TTC3: variants seen among roughly 807,000 people sequenced by gnomAD.
TTC3 encodes E3 ubiquitin-protein ligase TTC3.
Under a neutral mutation model 249.6 loss-of-function variants are expected in TTC3, and 180 were observed. The observed-to-expected ratio is 0.72, with a 90% CI of 0.64 to 0.82. The LOEUF (loss-of-function observed/expected upper bound fraction) is 0.82. TTC3 is among the 40% of genes least tolerant of loss of function. The probability of loss-of-function intolerance (pLI) is 0.00; values close to 1 mark genes in which losing one functional copy is unlikely to be tolerated. For missense variants in TTC3, 2,061 were observed against 2,398.4 expected, an observed-to-expected ratio of 0.86 and a Z score of 2.94; for synonymous variants, 717 against 805.0, an observed-to-expected ratio of 0.89 and a Z score of 1.85.
intron 8 of TTC3, 21 bp from the exon 9 acceptor site, chr21:37,095,329 T>C: frequency 6.4e-7 from 1 of 1,559,392 alleles, no homozygotes; most frequent in Non-Finnish European, 8.7e-7. Flanking sequence ...TGATGGGTCT[T>C]CTTTCACCTT....
At chr21:37,159,334 C>T (rs1271429391) in intron 28 of TTC3, among the ~76,000 whole-genome samples, 1 of 152,160 alleles carries the variant, frequency 6.6e-6, no homozygotes, top group Non-Finnish European at 1.5e-5. Context: ...CCTTGTGTTT[C>T]ACGTGGTCCT....
intron 11 of TTC3, among the ~76,000 whole-genome samples, chr21:37,120,933 T>C (rs2076531397): frequency 6.6e-6 from 1 of 152,128 alleles, no homozygotes. Context: ...CAGGGTTCTT[T>C]GGTTTGCCTC....
At chr21:37,147,716 C>A in intron 22 of TTC3, 113 bp downstream of exon 22, 1 of 1,269,694 alleles carries the variant, frequency 7.9e-7, no homozygotes, top group Non-Finnish European at 1.1e-6. Flanking sequence ...AGCAGTCGTC[C>A]ACCCCTTTCC....
intron 1 of TTC3, among the ~76,000 whole-genome samples, chr21:37,074,586 G>T (rs577184670): frequency 6.6e-6 from 1 of 152,276 alleles, no homozygotes; most frequent in South Asian, 2.1e-4. Flanking sequence ...GGGAAACAAG[G>T]TAGAAATTTT....
At chr21:37,110,129 G>A (rs2075514485) in intron 11 of TTC3, among the ~76,000 whole-genome samples, 1 of 152,220 alleles carries the variant, frequency 6.6e-6, no homozygotes, top group African/African-American at 2.4e-5. Context: ...AGAAAAACCT[G>A]AAACTCTAAA....
intron 18 of TTC3, among the ~76,000 whole-genome samples, chr21:37,137,152 A>T (rs2078020025): frequency 6.6e-6 from 1 of 152,220 alleles, no homozygotes; most frequent in Non-Finnish European, 1.5e-5. Flanking sequence ...AAGGAGATGA[A>T]TGTTGTTTTC....
At chr21:37,127,926 TA>T (rs1182649260) in intron 15 of TTC3, among the ~76,000 whole-genome samples, 5 of 152,210 alleles carry the variant, frequency 3.3e-5, no homozygotes, top group Admixed American at 1.3e-4. Flanking sequence ...TCTTTGAGGA[TA>T]AAACTTTTTT....
intron 17 of TTC3, 56 bp from the exon 18 acceptor site, chr21:37,135,324 T>C: frequency 1.3e-6 from 2 of 1,550,176 alleles, no homozygotes; most frequent in Non-Finnish European, 1.7e-6. Flanking sequence ...GCATCTTAGG[T>C]TTTAAATTAA....
intron 16 of TTC3, among the ~76,000 whole-genome samples, chr21:37,130,058 C>G (rs2077348986): frequency 1.3e-5 from 2 of 152,124 alleles, no homozygotes; most frequent in African/African-American, 2.4e-5. Flanking sequence ...GTTGGAGAAA[C>G]AGCAAAGCCA....
In TTC3 at chr21:37,156,596, G is replaced by C. The variant is rs1169560314; in HGVS notation, c.2741-59G>C. On this transcript the variant is annotated intron_variant, in intron 27 of 45. Coordinates refer to ENST00000355666, the Ensembl canonical transcript of TTC3. ...TGCTTTCAGAGATGTGAAACTAAAT[G>C]TGATTTTACAGTAAATAATTTCCCT... is the stretch of plus-strand genomic sequence containing the variant. 5 of 1,546,912 alleles carry C rather than the reference G, an allele frequency of 3.2e-6. No homozygotes were observed. The East Asian group carries it at 9.0e-5, about 28-fold the overall frequency.
chr21:37,128,565 C>T (rs2147902582), intron 15 of TTC3, among the ~76,000 whole-genome samples: 1 of 152,312 alleles, frequency 6.6e-6, no homozygotes, highest in East Asian at 1.9e-4. Context: ...TTTTCTCAGC[C>T]ACTCCAGCTT....
At chr21:37,131,476 G>A (rs1005903166) in intron 16 of TTC3, among the ~76,000 whole-genome samples, 2 of 152,136 alleles carry the variant, frequency 1.3e-5, no homozygotes, top group Admixed American at 6.5e-5. Context: ...GAAGCTCCTC[G>A]CGCCCCCCAA....
At chr21:37,168,407 A>G (rs549899800) in intron 34 of TTC3, among the ~76,000 whole-genome samples, 73 of 152,282 alleles carry the variant, frequency 4.8e-4, no homozygotes, top group Admixed American at 9.8e-4. Context: ...GAAAACCTAC[A>G]CTAACCTATA....
In TTC3 at chr21:37,159,684, T is replaced by C. The variant is rs776150010; in HGVS notation, c.2993-15T>C. 12 of 1,611,906 alleles carry C rather than the reference T, an allele frequency of 7.4e-6. No homozygotes were observed. In the South Asian group the frequency reaches 1.3e-4, roughly 18 times the overall value. ...TATTTAGTTTTCTCACAAAACCATC[T>C]GTATATTCCTACAGACAGCCGCTGT... On this transcript the variant is annotated splice_polypyrimidine_tract_variant and intron_variant, in intron 28 of 45. Transcript: ENST00000355666.
At chr21:37,201,624 A>G (rs1238275015) in exon 46 of TTC3, 6 of 1,579,576 alleles carry the variant, frequency 3.8e-6, no homozygotes, top group Non-Finnish European at 5.2e-6. Flanking sequence ...CCGAAGAATG[A>G]CAATTTTCTA....
At chr21:37,122,426 A>G (rs1034467298) in intron 12 of TTC3, among the ~76,000 whole-genome samples, 1 of 26,922 alleles carries the variant, frequency 3.7e-5, no homozygotes, top group African/African-American at 1.1e-4. Context: ...TATAATATAT[A>G]TATATATATA....
chr21:37,116,830 TA>T (rs1179781676), intron 11 of TTC3, among the ~76,000 whole-genome samples: 1 of 151,780 alleles, frequency 6.6e-6, no homozygotes, highest in African/African-American at 2.4e-5. Context: ...TAAAAATAAA[TA>T]AATTTTTTTT....
At chr21:37,119,155 T>C (rs2076390461) in intron 11 of TTC3, among the ~76,000 whole-genome samples, 1 of 152,222 alleles carries the variant, frequency 6.6e-6, no homozygotes, top group Admixed American at 6.5e-5. Context: ...ATATGCTTGA[T>C]CTTTGTTTTG....
chr21:37,087,270 G>A (rs1293846889), exon 2 of TTC3: 1 of 1,613,800 alleles, frequency 6.2e-7, no homozygotes. Context: ...GGACAATTTT[G>A]CTGAGGGAGA....
Sources: gnomAD v4.1 joint callset for allele counts (sites outside exome capture counted in the v4.1 genomes callset) on GRCh38, gnomAD v4.1.1 for gene constraint, MANE v1.5 for transcripts, NCBI Gene and HGNC (gene_info 2026-07-23, HGNC 2026-07-21) for gene names.